CTNNA2: variants seen among roughly 807,000 people sequenced by gnomAD.
CTNNA2 encodes the protein catenin alpha-2.
Under a neutral mutation model 101.0 loss-of-function variants are expected in CTNNA2, and 42 were observed. That is an observed-to-expected ratio of 0.42 (90% CI 0.32 to 0.54). The LOEUF (loss-of-function observed/expected upper bound fraction) is 0.54. Among genes scored for constraint, CTNNA2 ranks in the 20% least tolerant of loss-of-function variants. CTNNA2 has a pLI of 0.14. For missense variants in CTNNA2, 871 were observed against 1,223.1 expected (o/e 0.71, Z 4.29); for synonymous variants, 450 against 456.4 (o/e 0.99, Z 0.18).
chr2:79,909,224 G>A (rs1685625964), intron 6 of CTNNA2, among the ~76,000 whole-genome samples: 1 of 152,186 alleles, frequency 6.6e-6, no homozygotes, highest in Non-Finnish European at 1.5e-5. Flanking sequence ...TATTTATCAT[G>A]TTTTAGCTCT....
intron 3 of CTNNA2, among the ~76,000 whole-genome samples, chr2:79,762,250 C>G (rs1454815550): frequency 1.3e-5 from 2 of 152,044 alleles, no homozygotes; most frequent in African/African-American, 4.8e-5. Context: ...ATTAGTCAAC[C>G]CAGGCGTGGT....
chr2:80,293,782 G>A (rs574878657), intron 7 of CTNNA2, among the ~76,000 whole-genome samples: 1 of 152,258 alleles, frequency 6.6e-6, no homozygotes, highest in East Asian at 1.9e-4. Context: ...CGGATGCAGT[G>A]GACTGAGTGG....
intron 3 of CTNNA2, among the ~76,000 whole-genome samples, chr2:79,332,248 G>A (rs796434512): frequency 2.4e-4 from 36 of 151,152 alleles, no homozygotes; most frequent in African/African-American, 8.8e-4. Context: ...CCAGAAACTA[G>A]GAAGAGTATA....
intron 2 of CTNNA2, among the ~76,000 whole-genome samples, chr2:79,201,623 G>C (rs1169356112): frequency 6.6e-6 from 1 of 152,022 alleles, no homozygotes; most frequent in African/African-American, 2.4e-5. Flanking sequence ...ACCAGATTTT[G>C]GGAGATCAGG....
chr2:79,932,831 C>T (rs1454278872), intron 7 of CTNNA2, among the ~76,000 whole-genome samples: 1 of 152,126 alleles, frequency 6.6e-6, no homozygotes, highest in Non-Finnish European at 1.5e-5. Context: ...TTTTTACCAC[C>T]ACACTTTGTA....
chr2:79,216,082 C>T (rs1223331097), intron 2 of CTNNA2, among the ~76,000 whole-genome samples: 4 of 151,978 alleles, frequency 2.6e-5, no homozygotes, highest in African/African-American at 9.7e-5. Flanking sequence ...GACCATTTGC[C>T]TATTTTACGA....
chr2:79,662,372 AC>A (rs1682096785), intron 2 of CTNNA2, among the ~76,000 whole-genome samples: 1 of 152,184 alleles, frequency 6.6e-6, no homozygotes, highest in Non-Finnish European at 1.5e-5. Flanking sequence ...ATTTAAAACT[AC>A]ATTTAAAATG....
chr2:79,334,052 G>A (rs1259394415), intron 3 of CTNNA2, among the ~76,000 whole-genome samples: 10 of 152,092 alleles, frequency 6.6e-5, no homozygotes, highest in African/African-American at 2.2e-4. Context: ...TGGCATATCT[G>A]TCACCTCAAA....
intron 7 of CTNNA2, among the ~76,000 whole-genome samples, chr2:80,287,438 T>G (rs533389908): frequency 6.6e-6 from 1 of 152,250 alleles, no homozygotes; most frequent in South Asian, 2.1e-4. Context: ...GCAAATAACA[T>G]TGTAAAGGAG....
chr2:79,992,717 A>G (rs1015586332), intron 7 of CTNNA2, among the ~76,000 whole-genome samples: 2 of 152,196 alleles, frequency 1.3e-5, no homozygotes, highest in East Asian at 1.9e-4. Flanking sequence ...AAGAAATGCT[A>G]TGAGTATTGT....
At chr2:79,653,322 A>G (rs1167332308) in intron 2 of CTNNA2, among the ~76,000 whole-genome samples, 2 of 152,068 alleles carry the variant, frequency 1.3e-5, no homozygotes, top group Non-Finnish European at 2.9e-5. Context: ...GCCTTCGTGC[A>G]TTTCATCCCT....
intron 2 of CTNNA2, among the ~76,000 whole-genome samples, chr2:79,269,030 A>G (rs1303729747): frequency 4.6e-5 from 7 of 152,054 alleles, no homozygotes; most frequent in Non-Finnish European, 8.8e-5. Flanking sequence ...AAGCCACCTC[A>G]GAGGGGCCAG....
At chr2:79,646,259 C>T (rs941299533) in intron 1 of CTNNA2, among the ~76,000 whole-genome samples, 2 of 152,128 alleles carry the variant, frequency 1.3e-5, no homozygotes, top group African/African-American at 4.8e-5. Context: ...TATGGGAACT[C>T]GAGTCAGTTT....
chr2:80,361,160 A>ACATCAAC (rs1048703901), intron 7 of CTNNA2, among the ~76,000 whole-genome samples: 28 of 152,242 alleles, frequency 1.8e-4, no homozygotes, highest in African/African-American at 6.3e-4. Context: ...AGCAGATGGA[A>ACATCAAC]CATCAACCTG....
rs960137836 is a variant in CTNNA2 at position 79,715,986 on chromosome 2, T to C, written c.103-28401T>C. On this transcript the variant is annotated intron_variant, in intron 2 of 18. Coordinates refer to ENST00000402739, the MANE Select transcript of CTNNA2 (RefSeq NM_001282597.3). ...TTTGGACCAAAAATAAATTTCATCA[T>C]TGAATTTTATATACAGCCAGTTAAT... Among the ~76,000 whole-genome samples, 11 of 152,136 alleles carry C rather than the reference T, an allele frequency of 7.2e-5. No individual in the cohort carries two copies. The East Asian group carries it at 2.1e-3, about 29-fold the overall frequency.
intron 7 of CTNNA2, among the ~76,000 whole-genome samples, chr2:80,041,251 G>A (rs1225704967): frequency 6.6e-6 from 1 of 151,716 alleles, no homozygotes; most frequent in Non-Finnish European, 1.5e-5. Context: ...AGGTAGGAAA[G>A]GAGGCAGAGT....
intron 7 of CTNNA2, among the ~76,000 whole-genome samples, chr2:80,128,741 T>C (rs1355212034): frequency 6.6e-6 from 1 of 152,188 alleles, no homozygotes; most frequent in Non-Finnish European, 1.5e-5. Context: ...TTTGATATTT[T>C]ATCTGTTCCA....
intron 1 of CTNNA2, among the ~76,000 whole-genome samples, chr2:79,597,020 C>T (rs1356109789): frequency 2.0e-5 from 3 of 152,164 alleles, no homozygotes; most frequent in African/African-American, 7.2e-5. Context: ...CATAGAGCTG[C>T]ACAGAACTTC....
chr2:79,588,848 A>C (rs528211767), intron 1 of CTNNA2, among the ~76,000 whole-genome samples: 1 of 152,290 alleles, frequency 6.6e-6, no homozygotes, highest in East Asian at 1.9e-4. Context: ...ACCGTATAGA[A>C]AGTTCACAGA....
Sources: allele counts gnomAD v4.1 joint callset (sites outside exome capture counted in the v4.1 genomes callset), GRCh38; gene constraint gnomAD v4.1.1; transcripts MANE v1.5; gene names NCBI Gene and HGNC (gene_info 2026-07-23, HGNC 2026-07-21).